BCL11B: variants seen among roughly 807,000 people sequenced by gnomAD.
BCL11B encodes the protein B-cell lymphoma/leukemia 11B.
A neutral mutation model predicts 49.9 loss-of-function variants in BCL11B; 8 were observed. That is an observed-to-expected ratio of 0.16 (90% CI 0.09 to 0.29). The LOEUF is 0.29. BCL11B is among the 10% of genes least tolerant of loss of function. The pLI, the probability that BCL11B is intolerant of heterozygous loss-of-function variation, is 1.00. For synonymous variants in BCL11B, 739 were observed against 637.4 expected (o/e 1.16, Z -2.40); for missense variants, 1,006 against 1,351.0 (o/e 0.74, Z 4.00).
intron 3 of BCL11B, among the ~76,000 whole-genome samples, chr14:99,212,713 C>A (rs566472341): frequency 1.1e-4 from 16 of 152,292 alleles, no homozygotes; most frequent in Non-Finnish European, 2.1e-4. Flanking sequence ...CACGCCCCAC[C>A]CCCAGGAGCT....
At chr14:99,197,832 T>A (rs1194707037) in intron 3 of BCL11B, among the ~76,000 whole-genome samples, 1 of 152,164 alleles carries the variant, frequency 6.6e-6, no homozygotes, top group African/African-American at 2.4e-5. Context: ...TCCCCCTTTC[T>A]GGGTCATGCA....
chr14:99,177,406 AT>A (rs1289368903), intron 3 of BCL11B, among the ~76,000 whole-genome samples: 1 of 151,452 alleles, frequency 6.6e-6, no homozygotes, highest in African/African-American at 2.4e-5. Flanking sequence ...GAGGCTGAAC[AT>A]TTCCTCCGGA....
intron 3 of BCL11B, among the ~76,000 whole-genome samples, chr14:99,224,095 A>G (rs1888092190): frequency 6.6e-6 from 1 of 152,208 alleles, no homozygotes; most frequent in African/African-American, 2.4e-5. Flanking sequence ...TGACCAGTGC[A>G]TGAAGGAAGA....
Position 99,228,951 on chromosome 14 carries a change from G to GATGGATGGATGC in BCL11B, c.640+2382_640+2393dup, listed in dbSNP as rs1029322992. Among the ~76,000 whole-genome samples the GATGGATGGATGC allele has an allele frequency of 6.6e-6, 1 of 152,016 alleles. No individual in the cohort carries two copies. Among genetic ancestry groups the GATGGATGGATGC allele is most frequent in the Non-Finnish European group, 1.5e-5 (1 of 67,996 alleles). On this transcript the variant is annotated intron_variant, in intron 3 of 3. Coordinates refer to ENST00000357195, the MANE Select transcript of BCL11B (RefSeq NM_138576.4). This position sits in a 1 kb window ranked among gnomAD's most constrained non-coding sequence, Gnocchi z 4.8. ...GGATGGATGGATGAACGGATGGGTG[G>GATGGATGGATGC]ATGGATGGATGCATGGATGGATGCA...
At chr14:99,234,880 A>G (rs2693700) in intron 2 of BCL11B, among the ~76,000 whole-genome samples, 3,046 of 118,826 alleles carry the variant, frequency 0.026, 65 homozygotes, top group East Asian at 0.16. Context: ...AAAAAAAAAA[A>G]GTCTAAAAAT....
At position 99,213,447 on chromosome 14, in the gene BCL11B, A is replaced by T. The variant is rs1887743815; in HGVS notation, c.640+17898T>A. On this transcript the variant is annotated intron_variant, in intron 3 of 3. Transcript: ENST00000357195. This position sits in a 1 kb window ranked among gnomAD's most constrained non-coding sequence, Gnocchi z 5.1. ...CAAAAATTCGAGGAACACCAAAATG[A>T]CTCTCATCTGGACTGGTATGACTCA... Among the ~76,000 whole-genome samples the T allele has an allele frequency of 6.6e-6, 1 of 151,992 alleles. No individual in the cohort carries two copies. The highest frequency in any genetic ancestry group is 1.5e-5 in the Non-Finnish European group (1 of 68,006).
At chr14:99,211,962 C>T (rs565083791) in intron 3 of BCL11B, among the ~76,000 whole-genome samples, 1 of 152,186 alleles carries the variant, frequency 6.6e-6, no homozygotes, top group Admixed American at 6.5e-5. Context: ...TGCCCATCCC[C>T]ACTCCCCCCT....
In BCL11B at chr14:99,174,846, G is replaced by T; in HGVS notation, c.1990C>A (p.Pro664Thr). 7.8e-7 allele frequency: 1 copy of T among 1,277,838 alleles called. No homozygotes were observed. Among genetic ancestry groups the T allele is most frequent in the Non-Finnish European group, 9.9e-7 (1 of 1,012,654 alleles). 79.2% of individuals were successfully genotyped at this position (1,277,838 alleles called of 1,614,324 possible). ...RGGGFAPGTE[P>T]FPGLFPRKPA... ...TTGCGCGGGAAGAGCCCGGGGAAGG[G>T]CTCGGTGCCTGGCGCGAAGCCGCCC... The change falls in exon 4 of 4, where the codon CCC becomes ACC. Residue 664 changes from proline to threonine, a missense_variant. By Grantham distance (38) the Pro-to-Thr change is conservative. This residue lies in a region of BCL11B where 443 missense variants were observed against 499.7 expected (regional missense o/e 0.89). Coordinates refer to ENST00000357195, the MANE Select transcript of BCL11B (RefSeq NM_138576.4).
chr14:99,187,611 C>A (rs1886891662), intron 3 of BCL11B, among the ~76,000 whole-genome samples: 1 of 148,898 alleles, frequency 6.7e-6, no homozygotes, highest in African/African-American at 2.5e-5. Context: ...CAGAGCAAAC[C>A]ATCCTTATCA....
chr14:99,266,006 T>C (rs1329584227), intron 1 of BCL11B, among the ~76,000 whole-genome samples: 1 of 152,188 alleles, frequency 6.6e-6, no homozygotes, highest in East Asian at 1.9e-4. Flanking sequence ...CTAGATTACA[T>C]GTTTAGGGGA....
At position 99,174,565 on chromosome 14, in the gene BCL11B, C is replaced by G. The variant is rs1886404211; in HGVS notation, c.2271G>C (p.Gly757=). Reference sequence around the variant, plus strand: ...CCGAGAGGCCGCCGTCCAGCAGGTCCCCGGGCGGCGTGGAGAAGCGCAGGC... The same window carrying G: ...CCGAGAGGCCGCCGTCCAGCAGGTCGCCGGGCGGCGTGGAGAAGCGCAGGC... The part of the protein sequence containing the change: ...NGSLRFSTPP[G]DLLDGGLSGR... The change falls in exon 4 of 4, where the codon GGG becomes GGC. Residue 757 remains glycine (G), a synonymous_variant. Coordinates refer to ENST00000357195, the MANE Select transcript of BCL11B (RefSeq NM_138576.4). 1.3e-6 allele frequency: 2 copies of G among 1,516,572 alleles called. No homozygotes were observed. Among genetic ancestry groups the G allele is most frequent in the Non-Finnish European group, 8.8e-7 (1 of 1,134,896 alleles). 93.9% of individuals were successfully genotyped at this position (1,516,572 alleles called of 1,614,324 possible). A position where few individuals can be genotyped will look rare whatever the true frequency, so the allele number is the denominator to read the frequency against.
rs1288154528 is a variant in BCL11B, at chr14:99,232,139, G to A, written c.428-582C>T. Among the ~76,000 whole-genome samples, 1 of 152,094 alleles carries A rather than the reference G, an allele frequency of 6.6e-6. No homozygotes were observed. The highest frequency in any genetic ancestry group is 2.4e-5 in the African/African-American group (1 of 41,418). On this transcript the variant is annotated intron_variant, in intron 2 of 3. Coordinates refer to ENST00000357195, the MANE Select transcript of BCL11B (RefSeq NM_138576.4). This position sits in a 1 kb window ranked among gnomAD's most constrained non-coding sequence, Gnocchi z 5.1. ...GGGGCTCTCTCCAGCCCCAAGCACT[G>A]AGCGTGCTGCACCCAAAACGCAATG... is the stretch of plus-strand genomic sequence containing the variant.
intron 1 of BCL11B, among the ~76,000 whole-genome samples, chr14:99,265,097 G>C (rs536865522): frequency 6.6e-6 from 1 of 152,134 alleles, no homozygotes; most frequent in Non-Finnish European, 1.5e-5. Context: ...CAAATGGCCT[G>C]AGTCAAAAGA....
Position 99,257,921 on chromosome 14 carries a change from C to G in BCL11B, c.59-82G>C. On this transcript the variant is annotated intron_variant, in intron 1 of 3. Coordinates refer to ENST00000357195, the MANE Select transcript of BCL11B (RefSeq NM_138576.4). This position sits in a 1 kb window ranked among gnomAD's most constrained non-coding sequence, Gnocchi z 6.2. ...GTCACAGCACCCAACTTCCGGTCCA[C>G]CCCTTCCCCGCCAAGAAGCAGCCCC... 7.1e-7 allele frequency: 1 copy of G among 1,402,358 alleles called. No homozygotes were observed. Among genetic ancestry groups the G allele is most frequent in the Non-Finnish European group, 9.3e-7 (1 of 1,070,696 alleles). 86.9% of individuals were successfully genotyped at this position (1,402,358 alleles called of 1,614,324 possible).
chr14:99,171,365 T>C lies in BCL11B; in HGVS notation c.*2786A>G, dbSNP rs1886284669. ...ACATACAAATGTGTTTTTTTTGCAA[T>C]ATTTTATCCTGCCAAATTAAAAAAA... On this transcript the variant is annotated 3_prime_UTR_variant, in exon 4 of 4. Transcript: ENST00000357195. 1 of 221,050 alleles carries C rather than the reference T, an allele frequency of 4.5e-6. No homozygotes were observed. Among genetic ancestry groups the C allele is most frequent in the Non-Finnish European group, 9.1e-6 (1 of 110,176 alleles). The allele number at this position is 221,050 out of a possible 1,614,324, so 13.7% of individuals were successfully genotyped here.
chr14:99,208,193 G>A (rs928877550), intron 3 of BCL11B, among the ~76,000 whole-genome samples: 7 of 152,240 alleles, frequency 4.6e-5, no homozygotes, highest in East Asian at 1.9e-4. Flanking sequence ...AGCAAGAGGC[G>A]AAGGATCCTG....
At chr14:99,210,338 T>C (rs1284504129) in intron 3 of BCL11B, among the ~76,000 whole-genome samples, 1 of 152,060 alleles carries the variant, frequency 6.6e-6, no homozygotes, top group African/African-American at 2.4e-5. Flanking sequence ...TCCAAAACAA[T>C]GGCCAAAACC....
rs747139882 is a variant in BCL11B at position 99,175,146 on chromosome 14, G to T, written c.1690C>A (p.Arg564Ser). Reference sequence around the variant, plus strand: ...CCACCACCGCCGTTCTCGCGGTTGCGGCTCAGCTCCGAGTCCATGCTGAAG... The same window carrying T: ...CCACCACCGCCGTTCTCGCGGTTGCTGCTCAGCTCCGAGTCCATGCTGAAG... ...SSFSMDSELSRNRENGGGGVP... is the reference protein window; with the variant it reads ...SSFSMDSELSSNRENGGGGVP... Residue 564 changes from arginine (R) to serine (S), a missense_variant, in exon 4 of 4, where the codon CGC becomes AGC. By Grantham distance (110) the Arg-to-Ser change is moderately radical (BLOSUM62 -1). Coordinates refer to ENST00000357195, the MANE Select transcript of BCL11B (RefSeq NM_138576.4). 6.3e-7 allele frequency: 1 copy of T among 1,595,414 alleles called. No individual in the cohort carries two copies. The highest frequency in any genetic ancestry group is 1.7e-5 in the Admixed American group (1 of 58,744).
intron 3 of BCL11B, among the ~76,000 whole-genome samples, chr14:99,223,928 T>TG (rs1888086665): frequency 6.6e-6 from 1 of 152,170 alleles, no homozygotes; most frequent in African/African-American, 2.4e-5. Flanking sequence ...TTCATTTTTT[T>TG]CAAACAGAGA....
Sources: gnomAD v4.1 joint callset for allele counts (sites outside exome capture counted in the v4.1 genomes callset) on GRCh38, gnomAD v4.1.1 for gene constraint, gnomAD v4.1.1 regional missense constraint, Gnocchi (gnomAD v3.1) non-coding constraint, MANE v1.5 for transcripts, NCBI Gene and HGNC (gene_info 2026-07-23, HGNC 2026-07-21) for gene names.